The following BICRAL variants were observed in gnomAD, a reference collection of about 807,000 sequenced individuals.
BICRAL encodes BRD4-interacting chromatin-remodeling complex-associated protein-like.
In BICRAL, 8 loss-of-function variants were observed where a neutral mutation model predicts 91.8. The observed-to-expected ratio is 0.09, with a 90% CI of 0.05 to 0.16. The LOEUF is 0.16. Among genes scored for constraint, BICRAL ranks in the 10% least tolerant of loss-of-function variants. The pLI is 1.00. For synonymous variants in BICRAL, 445 were observed against 491.1 expected (o/e 0.91, Z 1.24); for missense variants, 1,038 against 1,310.9 (o/e 0.79, Z 3.21).
rs200603056 is a variant in BICRAL at position 42,829,168 on chromosome 6, A to T, written c.835A>T (p.Thr279Ser). Residue 279 changes from threonine to serine, a missense_variant, in exon 6 of 13, where the codon ACC (threonine) becomes TCC (serine). By Grantham distance (58) the Thr-to-Ser change is moderately conservative. Coordinates refer to ENST00000314073, the MANE Select transcript of BICRAL (RefSeq NM_001393499.1). ...TTCCAGTCCAGTAGCACAGCCTGTT[A>T]CCGTTCCATTTAACAGCACAAATTT... ...SSSSPVAQPV[T>S]VPFNSTNFQT... 100 of 1,614,108 alleles carry T rather than the reference A, an allele frequency of 6.2e-5. No homozygotes were observed. Among genetic ancestry groups the T allele is most frequent in the Non-Finnish European group, 7.7e-5 (91 of 1,179,986 alleles).
chr6:42,864,530 T>C, intron 12 of BICRAL, 129 bp from the exon 13 acceptor site: 1 of 719,408 alleles, frequency 1.4e-6, no homozygotes. Context: ...TGCATGTTCC[T>C]GTATGTGAAG....
intron 1 of BICRAL, among the ~76,000 whole-genome samples, chr6:42,783,989 A>G (rs1452633246): frequency 6.6e-6 from 1 of 151,996 alleles, no homozygotes; most frequent in Non-Finnish European, 1.5e-5. Flanking sequence ...AGTCCAGGAC[A>G]TTGTCTGTCT....
At chr6:42,757,974 A>T (rs1260865213) in intron 1 of BICRAL, among the ~76,000 whole-genome samples, 2 of 152,202 alleles carry the variant, frequency 1.3e-5, no homozygotes, top group African/African-American at 4.8e-5. Context: ...CTGTGTAATC[A>T]TGAGACTACA....
rs372828424 is a variant in BICRAL, at chr6:42,828,642, C to G, written c.309C>G (p.Phe103Leu). 1 of 1,614,014 alleles carries G rather than the reference C, an allele frequency of 6.2e-7. No individual in the cohort carries two copies. The highest frequency in any genetic ancestry group is 8.5e-7 in the Non-Finnish European group (1 of 1,179,972). Residue 103 changes from phenylalanine (F) to leucine (L), a missense_variant, in exon 6 of 13, where the codon TTC becomes TTG. This residue lies in a region of BICRAL where 115 missense variants were observed against 121.5 expected (regional missense o/e 0.95). Coordinates refer to ENST00000314073, the MANE Select transcript of BICRAL (RefSeq NM_001393499.1). ...CTGATCTCACTGAGGACCAACCTTT[C>G]GACATTCTTCAGAAATCCTTGCAAG... is the stretch of plus-strand genomic sequence containing the variant. ...PLPDLTEDQP[F>L]DILQKSLQEA...
chr6:42,796,850 C>G (rs1268073763), intron 1 of BICRAL, among the ~76,000 whole-genome samples: 2 of 151,940 alleles, frequency 1.3e-5, no homozygotes, highest in African/African-American at 4.8e-5. Flanking sequence ...AGTTCGAGAC[C>G]AGCCTGACCA....
chr6:42,751,988 A>G (rs557486989), intron 1 of BICRAL, among the ~76,000 whole-genome samples: 3 of 152,274 alleles, frequency 2.0e-5, no homozygotes, highest in Admixed American at 6.5e-5. Context: ...TGATGCCAGA[A>G]AGAAGCATCA....
At chr6:42,782,888 C>A (rs952864363) in intron 1 of BICRAL, among the ~76,000 whole-genome samples, 7 of 146,162 alleles carry the variant, frequency 4.8e-5, no homozygotes, top group African/African-American at 1.1e-4. Flanking sequence ...CCTCTGTTTT[C>A]CCCCCCTCGT....
rs1301842070 is a variant in BICRAL, at chr6:42,864,799, G to A, written c.2593G>A (p.Ala865Thr). 3.1e-6 allele frequency: 5 copies of A among 1,614,186 alleles called. No homozygotes were observed. Among genetic ancestry groups the A allele is most frequent in the South Asian group, 1.1e-5 (1 of 91,084 alleles). ...AGCCAAGGCCCAAGGCAGAGACCGAGCCAAAACCGGTGTGACGGAACCCAT... is the reference window on the plus strand; with the variant it reads ...AGCCAAGGCCCAAGGCAGAGACCGAACCAAAACCGGTGTGACGGAACCCAT... Reference protein sequence around the residue: ...PPAKAQGRDRAKTGVTEPMNH... With the variant: ...PPAKAQGRDRTKTGVTEPMNH... Residue 865 changes from alanine (A) to threonine (T), a missense_variant, in exon 13 of 13, where the codon GCC becomes ACC. Ala to Thr is a moderately conservative substitution (Grantham distance 58). This residue lies in a region of BICRAL where 294 missense variants were observed against 292.6 expected (regional missense o/e 1.00). Coordinates refer to ENST00000314073, the MANE Select transcript of BICRAL (RefSeq NM_001393499.1).
chr6:42,832,939 GT>G (rs745651230), intron 6 of BICRAL, among the ~76,000 whole-genome samples: 10 of 152,174 alleles, frequency 6.6e-5, no homozygotes, highest in Non-Finnish European at 1.0e-4. Flanking sequence ...GATTTAGTCA[GT>G]TCTCCCAGAA....
At position 42,751,251 on chromosome 6, in the gene BICRAL, C is replaced by T. The variant is rs145845660; in HGVS notation, c.-261+4228C>T. 5.6e-3 allele frequency among the ~76,000 whole-genome samples: 856 copies of T among 151,930 alleles called. 11 individuals are homozygous for T. Among genetic ancestry groups the T allele is most frequent in the African/African-American group, 0.02 (817 of 41,440 alleles). On this transcript the variant is annotated intron_variant, in intron 1 of 14. Transcript: ENST00000614467. The stretch of plus-strand genomic sequence containing the variant: ...AGGTCCTGGCAGCATTGGCCTCAGG[C>T]GTGGGAGGACCCGTGTCCTGGGTGG...
At chr6:42,855,761 G>A (rs1765331341) in intron 8 of BICRAL, 95 bp from the exon 9 acceptor site, 2 of 922,670 alleles carry the variant, frequency 2.2e-6, no homozygotes, top group African/African-American at 1.7e-5. Context: ...GTTCTTGATA[G>A]GTAGTTGAAA....
At position 42,865,993 on chromosome 6, in the gene BICRAL, C is replaced by A. The variant is rs1031638147; in HGVS notation, c.*547C>A. On this transcript the variant is annotated 3_prime_UTR_variant, in exon 13 of 13. Transcript: ENST00000314073. Reference sequence around the variant, plus strand: ...AGGGGAAGACCACATGGTTCTTCCCCCTCAGCCATCTTTGAGCAGTAAATT... The same window carrying A: ...AGGGGAAGACCACATGGTTCTTCCCACTCAGCCATCTTTGAGCAGTAAATT... 1 of 152,302 alleles carries A rather than the reference C, an allele frequency of 6.6e-6. No individual in the cohort carries two copies. Among genetic ancestry groups the A allele is most frequent in the Non-Finnish European group, 1.5e-5 (1 of 68,292 alleles). The allele number at this position is 152,302 out of a possible 1,614,324, so 9.4% of individuals were successfully genotyped here.
At chr6:42,776,230 C>T (rs902768838) in intron 1 of BICRAL, among the ~76,000 whole-genome samples, 1 of 152,048 alleles carries the variant, frequency 6.6e-6, no homozygotes, top group Non-Finnish European at 1.5e-5. Context: ...CCATATTGAC[C>T]AGGCTGGTCT....
chr6:42,800,920 A>G (rs1475402104), intron 1 of BICRAL, among the ~76,000 whole-genome samples: 4 of 115,182 alleles, frequency 3.5e-5, no homozygotes, highest in African/African-American at 1.7e-4. Context: ...GAGTTTTCAT[A>G]ATAACTTTTA....
At chr6:42,767,386 T>A (rs922176023) in intron 1 of BICRAL, among the ~76,000 whole-genome samples, 1 of 152,200 alleles carries the variant, frequency 6.6e-6, no homozygotes, top group African/African-American at 2.4e-5. Context: ...TGAGATTCAT[T>A]CATTGCCTCA....
chr6:42,782,016 G>GCGCCCCGC (rs778319864), upstream of BICRAL: 1 of 146,974 alleles, frequency 6.8e-6, no homozygotes, highest in African/African-American at 2.5e-5. Context: ...TCCGGCCCCC[G>GCGCCCCGC]GCCCCGCGCC....
chr6:42,778,476 A>C (rs993340321), upstream of BICRAL, among the ~76,000 whole-genome samples: 19 of 152,336 alleles, frequency 1.2e-4, no homozygotes, highest in African/African-American at 4.3e-4. Context: ...AATGTGTATA[A>C]GTATCTAGCA....
chr6:42,772,546 A>G (rs539186892), intron 1 of BICRAL, among the ~76,000 whole-genome samples: 2 of 152,182 alleles, frequency 1.3e-5, no homozygotes, highest in Non-Finnish European at 2.9e-5. Flanking sequence ...AGGCAGGTGG[A>G]GCCAATTACC....
At chr6:42,846,852 ATTTTC>A (rs1765025757) in intron 6 of BICRAL, among the ~76,000 whole-genome samples, 2 of 152,082 alleles carry the variant, frequency 1.3e-5, no homozygotes, top group African/African-American at 2.4e-5. Context: ...CATGTTGTGT[ATTTTC>A]TTTTCTGTCT....
Sources: gnomAD v4.1 joint callset for allele counts (sites outside exome capture counted in the v4.1 genomes callset) on GRCh38, gnomAD v4.1.1 for gene constraint, gnomAD v4.1.1 regional missense constraint, MANE v1.5 for transcripts, NCBI Gene and HGNC (gene_info 2026-07-23, HGNC 2026-07-21) for gene names.